Variants in BOC observed in about 807,000 individuals in gnomAD.
BOC encodes BOC cell adhesion associated, oncogene regulated.
A neutral mutation model predicts 112.0 loss-of-function variants in BOC; 76 were observed. That is an observed-to-expected ratio of 0.68 (90% CI 0.56 to 0.82). BOC has a LOEUF of 0.82. BOC is among the 40% of genes least tolerant of loss of function. The pLI is 0.00. For synonymous variants in BOC, 580 were observed against 599.8 expected (o/e 0.97, Z 0.48); for missense variants, 1,309 against 1,511.7 (o/e 0.87, Z 2.22).
chr3:113,270,531 A>G (rs1947991723), intron 5 of BOC: 1 of 428,300 alleles, frequency 2.3e-6, no homozygotes. Context: ...CTATTGACCT[A>G]TGCACTAAGT....
chr3:113,216,469 G>T (rs551318526), intron 2 of BOC, 195 bp downstream of exon 2: 35 of 333,812 alleles, frequency 1.0e-4, no homozygotes, highest in Middle Eastern at 9.6e-4. Flanking sequence ...GCCTGTGATG[G>T]CTATGTGAAC....
rs778695206 is a variant in BOC at position 113,272,633 on chromosome 3, C to T, written c.891C>T (p.Tyr297=). 4.3e-6 allele frequency: 7 copies of T among 1,613,922 alleles called. No individual in the cohort carries two copies. The East Asian group carries it at 1.1e-4, about 26-fold the overall frequency. ...CCAGCGAGGAGGACTCAGGCACCTA[C>T]CGCTGCATGGCCGACAATGGGGTTG... ...DTTSEEDSGT[Y]RCMADNGVGQ... The change falls in exon 7 of 20, where the codon TAC becomes TAT. Residue 297 remains tyrosine (Y), a synonymous_variant. Coordinates refer to ENST00000682979, the MANE Select transcript of BOC (RefSeq NM_001378074.1).
At position 113,249,712 on chromosome 3, in the gene BOC, C is replaced by A; in HGVS notation, c.-81-10C>A. The stretch of plus-strand genomic sequence containing the variant: ...CATGGCCATTGCTCTCCCTTTCTCT[C>A]TTACAACAGAGTGTTGCCAGGGACG... On this transcript the variant is annotated splice_polypyrimidine_tract_variant and intron_variant, in intron 2 of 19. Coordinates refer to ENST00000682979, the MANE Select transcript of BOC (RefSeq NM_001378074.1). The A allele has an allele frequency of 1.8e-6, 2 of 1,102,324 alleles. No individual in the cohort carries two copies. The highest frequency in any genetic ancestry group is 2.4e-5 in the Admixed American group (1 of 41,502). The allele number at this position is 1,102,324 out of a possible 1,614,324, so 68.3% of individuals were successfully genotyped here. A position where few individuals can be genotyped will look rare whatever the true frequency, so the allele number is the denominator to read the frequency against.
chr3:113,250,896 G>T, intron 4 of BOC, 63 bp downstream of exon 4: 1 of 1,584,492 alleles, frequency 6.3e-7, no homozygotes, highest in Middle Eastern at 1.7e-4. Context: ...CCACCCTGAA[G>T]CCCCCACCAT....
intron 2 of BOC, among the ~76,000 whole-genome samples, chr3:113,239,359 C>A (rs1241349868): frequency 1.3e-5 from 2 of 152,096 alleles, no homozygotes; most frequent in African/African-American, 4.8e-5. Flanking sequence ...CAAGATGACT[C>A]CAAGGTTGGA....
intron 4 of BOC, among the ~76,000 whole-genome samples, chr3:113,253,651 C>A (rs1254113864): frequency 6.6e-6 from 1 of 151,974 alleles, no homozygotes; most frequent in Non-Finnish European, 1.5e-5. Context: ...GTACATCCAC[C>A]CATGTAACCA....
chr3:113,272,919 A>G, intron 7 of BOC, 150 bp from the exon 8 acceptor site: 1 of 1,127,362 alleles, frequency 8.9e-7, no homozygotes, highest in South Asian at 1.6e-5. Context: ...TGGTGGAGAC[A>G]TCAGACCTCT....
chr3:113,255,960 T>G (rs1289583043), intron 4 of BOC, among the ~76,000 whole-genome samples: 2 of 152,274 alleles, frequency 1.3e-5, no homozygotes, highest in Non-Finnish European at 2.9e-5. Context: ...ATTTAAGTGT[T>G]CCATGACTTT....
At chr3:113,215,792 C>T (rs1374728624) in intron 1 of BOC, among the ~76,000 whole-genome samples, 2 of 152,218 alleles carry the variant, frequency 1.3e-5, no homozygotes, top group African/African-American at 2.4e-5. Flanking sequence ...GCAGCTGACC[C>T]TTGGTTTTTG....
Position 113,234,235 on chromosome 3 carries a change from ATCT to A in BOC, c.-81-15483_-81-15481del, listed in dbSNP as rs1943111075. ...TGCCTTAACTGACAGACTTTGACAA[ATCT>A]TCTAGGACTGTGTGAGGAATGAATA... On this transcript the variant is annotated intron_variant, in intron 2 of 19. Coordinates refer to ENST00000682979, the MANE Select transcript of BOC (RefSeq NM_001378074.1). Among the ~76,000 whole-genome samples the A allele has an allele frequency of 2.6e-5, 4 of 152,172 alleles. No individual in the cohort carries two copies. The South Asian group carries it at 8.3e-4, about 32-fold the overall frequency.
chr3:113,285,622 G>A, intron 19 of BOC, 57 bp downstream of exon 19: 2 of 1,432,636 alleles, frequency 1.4e-6, no homozygotes, highest in Non-Finnish European at 1.9e-6. Flanking sequence ...CATGAGGTAG[G>A]CATCCACAAG....
intron 2 of BOC, among the ~76,000 whole-genome samples, chr3:113,238,526 T>C (rs974840347): frequency 3.9e-5 from 6 of 152,258 alleles, no homozygotes; most frequent in Non-Finnish European, 7.3e-5. Flanking sequence ...TTTTCTCATC[T>C]TTTAAACATT....
intron 3 of BOC, 148 bp from the exon 4 acceptor site, chr3:113,250,407 G>A: frequency 1.1e-6 from 1 of 889,804 alleles, no homozygotes; most frequent in East Asian, 2.6e-5. Context: ...AGGCAGGTTG[G>A]GAAATGGACA....
intron 4 of BOC, among the ~76,000 whole-genome samples, chr3:113,258,519 C>T (rs1260221160): frequency 6.6e-6 from 1 of 152,190 alleles, no homozygotes; most frequent in Non-Finnish European, 1.5e-5. Flanking sequence ...CCAGTGACTC[C>T]CTGACAAAAC....
intron 2 of BOC, among the ~76,000 whole-genome samples, chr3:113,246,694 T>A (rs2650097): frequency 0.024 from 3,625 of 151,992 alleles, 150 homozygotes; most frequent in African/African-American, 0.084. Flanking sequence ...ATAGCCATAT[T>A]TTTTGGTCAT....
intron 4 of BOC, among the ~76,000 whole-genome samples, chr3:113,267,183 A>C (rs1017566247): frequency 6.6e-6 from 1 of 151,880 alleles, no homozygotes; most frequent in Non-Finnish European, 1.5e-5. Context: ...TCTGTCTTAT[A>C]CTCCATTAGT....
chr3:113,222,587 G>A (rs529961396), intron 2 of BOC, among the ~76,000 whole-genome samples: 4 of 152,294 alleles, frequency 2.6e-5, no homozygotes, highest in East Asian at 1.9e-4. Context: ...CGGTTGCTCC[G>A]TGTCGGGGGA....
In BOC at chr3:113,280,670, C is replaced by A. The variant is rs776142698; in HGVS notation, c.2311+7C>A. On this transcript the variant is annotated splice_region_variant and intron_variant, in intron 14 of 19. Coordinates refer to ENST00000682979, the MANE Select transcript of BOC (RefSeq NM_001378074.1). The stretch of plus-strand genomic sequence containing the variant: ...AAGAAGGATATGGTGGAAGGTGAGA[C>A]ACAGTTCTGTGTTTATAGCTTCTGC... The A allele has an allele frequency of 1.3e-6, 2 of 1,577,336 alleles. No individual in the cohort carries two copies. Among genetic ancestry groups the A allele is most frequent in the Admixed American group, 3.3e-5 (2 of 59,976 alleles).
chr3:113,257,555 ATTTTTTCTCAAGATTT>A (rs1411305236), intron 4 of BOC, among the ~76,000 whole-genome samples: 1 of 150,956 alleles, frequency 6.6e-6, no homozygotes, highest in African/African-American at 2.5e-5. Context: ...CTATGTCTTG[ATTTTTTCTCAAGATTT>A]TTTTTTCTCA....
Sources: gnomAD v4.1 joint callset for allele counts (sites outside exome capture counted in the v4.1 genomes callset) on GRCh38, gnomAD v4.1.1 for gene constraint, MANE v1.5 for transcripts, NCBI Gene and HGNC (gene_info 2026-07-23, HGNC 2026-07-21) for gene names.